The following CDC42SE2 variants were observed in gnomAD, a reference collection of about 807,000 sequenced individuals.
CDC42SE2 encodes CDC42 small effector 2.
In CDC42SE2, 3 loss-of-function variants were observed where a neutral mutation model predicts 11.5. The ratio of observed to expected loss-of-function variants is 0.26; its 90% CI spans 0.12 to 0.67. CDC42SE2 has a LOEUF of 0.67. Ranked by LOEUF, CDC42SE2 falls within the 30% of genes least tolerant of loss-of-function variation. CDC42SE2 has a pLI of 0.80. For missense variants in CDC42SE2, 82 were observed against 106.8 expected (o/e 0.77, Z 1.02); for synonymous variants, 33 against 34.8 (o/e 0.95, Z 0.18).
At chr5:131,342,039 T>C (rs1197717697) in intron 2 of CDC42SE2, among the ~76,000 whole-genome samples, 4 of 152,042 alleles carry the variant, frequency 2.6e-5, no homozygotes, top group African/African-American at 9.7e-5. Context: ...CCCAGCCCTT[T>C]GGGAGGCTGA....
At chr5:131,255,386 A>T (rs1756672053) in intron 2 of CDC42SE2, 1 of 152,214 alleles carries the variant, frequency 6.6e-6, no homozygotes, top group Non-Finnish European at 1.5e-5. Flanking sequence ...TGAAAATTTA[A>T]AATTACATAT....
At chr5:131,373,902 T>G (rs964239118) in intron 3 of CDC42SE2, among the ~76,000 whole-genome samples, 1 of 152,140 alleles carries the variant, frequency 6.6e-6, no homozygotes, top group African/African-American at 2.4e-5. Flanking sequence ...ATGTAGTTCA[T>G]TCTTCCAGCA....
chr5:131,264,044 G>GGGGGAGCC (rs556145234), upstream of CDC42SE2: 299 of 152,044 alleles, frequency 2.0e-3, 1 homozygote, highest in African/African-American at 6.9e-3. Flanking sequence ...TGGGCGGGGA[G>GGGGGAGCC]GGGGAGCCAG....
chr5:131,254,699 G>GAAC (rs397766314), intron 1 of CDC42SE2, among the ~76,000 whole-genome samples: 3 of 151,614 alleles, frequency 2.0e-5, no homozygotes, highest in African/African-American at 7.3e-5. Flanking sequence ...AAAGAAAAAA[G>GAAC]CTTATGTAGA....
intron 2 of CDC42SE2, among the ~76,000 whole-genome samples, chr5:131,336,616 C>T (rs190354987): frequency 2.7e-3 from 415 of 152,308 alleles, no homozygotes; most frequent in Non-Finnish European, 4.8e-3. Flanking sequence ...ACCATTGAGA[C>T]GTATATTTGG....
At chr5:131,379,619 T>C (rs978592496) in intron 3 of CDC42SE2, among the ~76,000 whole-genome samples, 5 of 152,220 alleles carry the variant, frequency 3.3e-5, no homozygotes, top group African/African-American at 4.8e-5. Flanking sequence ...GATGTAATTA[T>C]GTAAAAAGTT....
chr5:131,334,813 C>T (rs1758514133), intron 2 of CDC42SE2, among the ~76,000 whole-genome samples: 1 of 152,052 alleles, frequency 6.6e-6, no homozygotes, highest in South Asian at 2.1e-4. Flanking sequence ...GTGGTGATAT[C>T]CCCTTTATCA....
At position 131,394,479 on chromosome 5, in the gene CDC42SE2, C is replaced by T. The variant is rs879057592; in HGVS notation, c.*3388C>T. 6.6e-6 allele frequency: 1 copy of T among 152,302 alleles called. No homozygotes were observed. The highest frequency in any genetic ancestry group is 1.5e-5 in the Non-Finnish European group (1 of 68,016). 9.4% of individuals were successfully genotyped at this position (152,302 alleles called of 1,614,324 possible). ...ATTATAGCAGACTCATTATAGAGAA[C>T]AAGTTTGCCTTGATTTTGTTTAAAA... On this transcript the variant is annotated 3_prime_UTR_variant, in exon 5 of 5. Coordinates refer to ENST00000505065, the MANE Select transcript of CDC42SE2 (RefSeq NM_001375635.1).
At chr5:131,360,096 A>G (rs1749665843) in intron 3 of CDC42SE2, among the ~76,000 whole-genome samples, 1 of 152,100 alleles carries the variant, frequency 6.6e-6, no homozygotes, top group African/African-American at 2.4e-5. Flanking sequence ...TGTTACCTCT[A>G]CCAAAATCCT....
At chr5:131,246,457 AAAAAT>A (rs1365913904) in intron 1 of CDC42SE2, among the ~76,000 whole-genome samples, 2 of 152,192 alleles carry the variant, frequency 1.3e-5, no homozygotes, top group African/African-American at 4.8e-5. Flanking sequence ...TCTGTCCCAA[AAAAAT>A]AAAATAAAAT....
At chr5:131,231,069 C>T in the CDC42SE2 span, among the ~76,000 whole-genome samples, 1 of 152,042 alleles carries the variant, frequency 6.6e-6, no homozygotes, top group East Asian at 1.9e-4. Context: ...CAGTATTGAC[C>T]TTTAGTTTTT....
chr5:131,253,957 C>G (rs1165407380), intron 1 of CDC42SE2, among the ~76,000 whole-genome samples: 4 of 152,190 alleles, frequency 2.6e-5, no homozygotes, highest in African/African-American at 7.2e-5. Context: ...TCTGAGTCCA[C>G]TTTAGGAGAA....
rs569867198 is a variant in CDC42SE2, at chr5:131,380,094, T to C, written c.55-5449T>C. Among the ~76,000 whole-genome samples the C allele has an allele frequency of 7.0e-4, 105 of 150,556 alleles. 1 individual carries two copies. The highest frequency in any genetic ancestry group is 1.1e-3 in the South Asian group (5 of 4,732). The stretch of plus-strand genomic sequence containing the variant: ...GGTGCCTGCCACCATGCCCAGCTAA[T>C]TTTTTTTTCTTAAAGAAAATATTTA... On this transcript the variant is annotated intron_variant, in intron 3 of 4. Coordinates refer to ENST00000505065, the MANE Select transcript of CDC42SE2 (RefSeq NM_001375635.1).
At chr5:131,224,461 A>C in the CDC42SE2 span, among the ~76,000 whole-genome samples, 2 of 151,742 alleles carry the variant, frequency 1.3e-5, no homozygotes, top group Non-Finnish European at 2.9e-5. Context: ...TCTCACATCC[A>C]GTCTGTCAAG....
At chr5:131,287,440 A>G (rs987164160) in intron 1 of CDC42SE2, among the ~76,000 whole-genome samples, 25 of 151,692 alleles carry the variant, frequency 1.6e-4, no homozygotes, top group Non-Finnish European at 8.8e-5. Context: ...TTGGAAGTAA[A>G]TGGATGTTTG....
chr5:131,267,537 G>A (rs1041915751), intron 1 of CDC42SE2, among the ~76,000 whole-genome samples: 4 of 152,086 alleles, frequency 2.6e-5, no homozygotes, highest in African/African-American at 7.2e-5. Context: ...TGGGGAGAGG[G>A]TAGTTCATTT....
intron 3 of CDC42SE2, among the ~76,000 whole-genome samples, chr5:131,362,156 A>G (rs1014040575): frequency 1.3e-5 from 2 of 152,078 alleles, no homozygotes; most frequent in African/African-American, 4.8e-5. Context: ...TCCCACTCCC[A>G]TATCATTTAA....
intron 2 of CDC42SE2, among the ~76,000 whole-genome samples, chr5:131,358,594 G>T (rs1264772429): frequency 3.9e-5 from 6 of 152,168 alleles, no homozygotes; most frequent in African/African-American, 1.4e-4. Flanking sequence ...GGGATGTAGA[G>T]TATTTTGACT....
chr5:131,275,509 G>T (rs1280890549), intron 1 of CDC42SE2, among the ~76,000 whole-genome samples: 3 of 152,034 alleles, frequency 2.0e-5, no homozygotes, highest in Non-Finnish European at 2.9e-5. Flanking sequence ...GGCCAGGCTG[G>T]TCTCAAACTC....
Sources: gnomAD v4.1 joint callset for allele counts (sites outside exome capture counted in the v4.1 genomes callset) on GRCh38, gnomAD v4.1.1 for gene constraint, MANE v1.5 for transcripts, NCBI Gene and HGNC (gene_info 2026-07-23, HGNC 2026-07-21) for gene names.